Variants in CNOT3 observed in about 807,000 individuals in gnomAD.
CNOT3 encodes the protein CCR4-associated factor 3.
In CNOT3, 2 loss-of-function variants were observed where a neutral mutation model predicts 89.4. The observed-to-expected ratio is 0.02, with a 90% CI of 0.01 to 0.07. The LOEUF (loss-of-function observed/expected upper bound fraction) is 0.07, where lower values mean the gene tolerates loss of function less well. Ranked by LOEUF, CNOT3 falls within the 10% of genes least tolerant of loss-of-function variation. The pLI is 1.00. For missense variants in CNOT3, 664 were observed against 1,010.2 expected (o/e 0.66, Z 4.65); for synonymous variants, 486 against 402.0 (o/e 1.21, Z -2.50).
Position 54,143,539 on chromosome 19 carries a change from C to T in CNOT3, c.168+23C>T, listed in dbSNP as rs777246957. 53 of 1,612,564 alleles carry T rather than the reference C, an allele frequency of 3.3e-5. No individual in the cohort carries two copies. The East Asian group carries it at 5.6e-4, about 17-fold the overall frequency. On this transcript the variant is annotated intron_variant, in intron 4 of 17. Transcript: ENST00000221232. ...CAAGTGAGGGGGCTGGGGGCCTGGACGCCTTTGTCCTGAGGGTAGAGGGAA... is the reference window on the plus strand; with the variant it reads ...CAAGTGAGGGGGCTGGGGGCCTGGATGCCTTTGTCCTGAGGGTAGAGGGAA...
chr19:54,140,834 G>C (rs36637), intron 1 of CNOT3, among the ~76,000 whole-genome samples: 87,301 of 152,050 alleles, frequency 0.57, 25,251 homozygotes, highest in East Asian at 0.77. Flanking sequence ...GTGGTCTCCT[G>C]TCTGTGGGTA....
intron 17 of CNOT3, chr19:54,155,078 T>G (rs777860623): frequency 3.6e-6 from 2 of 561,762 alleles, no homozygotes; most frequent in Non-Finnish European, 6.2e-6. Context: ...GCAGCTGGCT[T>G]CGGTGGAACC....
chr19:54,143,077 C>T, intron 2 of CNOT3, 42 bp from the exon 3 acceptor site: 1 of 1,612,392 alleles, frequency 6.2e-7, no homozygotes, highest in South Asian at 1.1e-5. Flanking sequence ...AGATACCTGC[C>T]ACCTGGGCAG....
At chr19:54,154,328 A>T (rs1416412558) in intron 17 of CNOT3, 1 of 290,058 alleles carries the variant, frequency 3.4e-6, no homozygotes, top group Non-Finnish European at 7.0e-6. Context: ...CTGCTTGCAA[A>T]CACTCTGGAA....
chr19:54,153,883 T>C (rs2075278247), intron 17 of CNOT3, 43 bp downstream of exon 17: 1 of 1,613,516 alleles, frequency 6.2e-7, no homozygotes, highest in South Asian at 1.1e-5. Flanking sequence ...AGGGTTGGGG[T>C]AGAGTCCCCA....
chr19:54,140,325 G>A (rs187873586), intron 1 of CNOT3, among the ~76,000 whole-genome samples: 25 of 152,198 alleles, frequency 1.6e-4, no homozygotes, highest in African/African-American at 5.8e-4. Flanking sequence ...CTCCTCCTGG[G>A]CCGAGGTTCC....
At chr19:54,139,606 C>T (rs1183740916) in intron 1 of CNOT3, among the ~76,000 whole-genome samples, 2 of 152,074 alleles carry the variant, frequency 1.3e-5, no homozygotes, top group African/African-American at 4.8e-5. Context: ...TTGAGGTGTC[C>T]ACGCCTCTGC....
chr19:54,142,837 C>A, intron 1 of CNOT3, 92 bp from the exon 2 acceptor site: 1 of 797,536 alleles, frequency 1.3e-6, no homozygotes, highest in Non-Finnish European at 2.2e-6. Context: ...TTTACCAGTC[C>A]CACCTACCTC....
At chr19:54,154,014 C>T (rs2075287402) in intron 17 of CNOT3, 174 bp downstream of exon 17, 2 of 823,574 alleles carry the variant, frequency 2.4e-6, no homozygotes, top group Non-Finnish European at 4.2e-6. Flanking sequence ...ACACCGCCCT[C>T]TCATCCTCCA....
At chr19:54,141,638 C>T (rs587677559) in intron 1 of CNOT3, 1 of 152,336 alleles carries the variant, frequency 6.6e-6, no homozygotes, top group African/African-American at 2.4e-5. Flanking sequence ...CCAGATGTTC[C>T]CTTCTTTGTG....
intron 4 of CNOT3, 24 bp from the exon 5 acceptor site, chr19:54,143,636 C>G: frequency 6.2e-7 from 1 of 1,613,048 alleles, no homozygotes; most frequent in Non-Finnish European, 8.5e-7. Context: ...TGAGGTCTGA[C>G]TTTCTTGCTT....
At chr19:54,150,796 T>G (rs587703981) in intron 13 of CNOT3, among the ~76,000 whole-genome samples, 1 of 152,108 alleles carries the variant, frequency 6.6e-6, no homozygotes, top group East Asian at 1.9e-4. Flanking sequence ...AATTTTTTTT[T>G]TTTTTCTTTT....
intron 13 of CNOT3, 44 bp from the exon 14 acceptor site, chr19:54,152,182 C>T: frequency 6.2e-7 from 1 of 1,601,476 alleles, no homozygotes; most frequent in Non-Finnish European, 8.5e-7. Flanking sequence ...GCACTTGCTC[C>T]TGCAGCCCAA....
At chr19:54,153,315 G>A (rs528344140) in intron 16 of CNOT3, 8 of 761,416 alleles carry the variant, frequency 1.1e-5, no homozygotes, top group African/African-American at 3.4e-5. Flanking sequence ...AGTCTAGGCC[G>A]ACCCCACTCT....
At position 54,143,286 on chromosome 19, in the gene CNOT3, A is replaced by G. The variant is rs1483636791; in HGVS notation, c.93+100A>G. 1.8e-5 allele frequency: 20 copies of G among 1,091,046 alleles called. No individual in the cohort carries two copies. In the Middle Eastern group the frequency reaches 1.0e-3, roughly 56 times the overall value. 67.6% of individuals were successfully genotyped at this position (1,091,046 alleles called of 1,614,324 possible). ...TGTTGACCAGCGGGAGGGGCTACAT[A>G]TGCAGATGCTGAGGACCTAAGAGAA... is the stretch of plus-strand genomic sequence containing the variant. On this transcript the variant is annotated intron_variant, in intron 3 of 17. Transcript: ENST00000221232.
At chr19:54,141,780 C>G (rs764311424) in intron 1 of CNOT3, 6 of 152,126 alleles carry the variant, frequency 3.9e-5, no homozygotes, top group Non-Finnish European at 7.4e-5. Context: ...GGGAGCGGCC[C>G]GTGGATCCCA....
intron 16 of CNOT3, chr19:54,153,477 G>C: frequency 1.3e-6 from 1 of 776,416 alleles, no homozygotes; most frequent in South Asian, 1.4e-5. Flanking sequence ...TCACACATTA[G>C]TTTTTCTTCC....
At position 54,148,149 on chromosome 19, in the gene CNOT3, C is replaced by T. The variant is rs1483878607; in HGVS notation, c.896C>T (p.Ser299Phe). The stretch of plus-strand genomic sequence containing the variant: ...CCCTCTGCTCTCTCCCACCCGCAGT[C>T]TCCAGCCAAAAACGGCTCCAAGCCT... Reference protein sequence around the residue: ...GRSTDSEVSQSPAKNGSKPVH... With the variant: ...GRSTDSEVSQFPAKNGSKPVH... Residue 299 changes from serine (S) to phenylalanine (F), a missense_variant and splice_region_variant, in exon 11 of 18, where the codon TCT (serine) becomes TTT (phenylalanine). Ser to Phe is a radical substitution (Grantham distance 155). Around this residue, in one of 8 missense-constraint regions of CNOT3, gnomAD observed 545 missense variants for 566.2 expected, o/e 0.96. Transcript: ENST00000221232. This position sits in a 1 kb window ranked among gnomAD's most constrained non-coding sequence, Gnocchi z 6.3. The T allele has an allele frequency of 1.4e-5, 21 of 1,502,608 alleles. No individual in the cohort carries two copies. The highest frequency in any genetic ancestry group is 1.8e-5 in the Non-Finnish European group (20 of 1,124,914). 93.1% of individuals were successfully genotyped at this position (1,502,608 alleles called of 1,614,324 possible).
At chr19:54,140,440 T>A (rs2074401630) in intron 1 of CNOT3, among the ~76,000 whole-genome samples, 1 of 152,158 alleles carries the variant, frequency 6.6e-6, no homozygotes, top group Non-Finnish European at 1.5e-5. Flanking sequence ...TCTTGGTGGA[T>A]GCCCCCCTGA....
Sources: gnomAD v4.1 joint callset for allele counts (sites outside exome capture counted in the v4.1 genomes callset) on GRCh38, gnomAD v4.1.1 for gene constraint, gnomAD v4.1.1 regional missense constraint, Gnocchi (gnomAD v3.1) non-coding constraint, MANE v1.5 for transcripts, NCBI Gene and HGNC (gene_info 2026-07-23, HGNC 2026-07-21) for gene names.